Variants in UCHL3 observed in about 807,000 individuals in gnomAD.
The protein encoded by UCHL3 is ubiquitin carboxyl-terminal hydrolase isozyme L3.
Under a neutral mutation model 35.8 loss-of-function variants are expected in UCHL3, and 22 were observed. The observed-to-expected ratio is 0.61, with a 90% CI of 0.44 to 0.88. The LOEUF is 0.88. UCHL3 is among the 40% of genes least tolerant of loss of function. The probability of loss-of-function intolerance (pLI) is 0.00; values close to 1 mark genes in which losing one functional copy is unlikely to be tolerated. For synonymous variants in UCHL3, 90 were observed against 92.8 expected (o/e 0.97, Z 0.17); for missense variants, 229 against 276.9 (o/e 0.83, Z 1.23).
intron 6 of UCHL3, among the ~76,000 whole-genome samples, chr13:75,577,081 A>G (rs2032046328): frequency 1.3e-5 from 2 of 151,996 alleles, no homozygotes. Flanking sequence ...GAGACCCTGT[A>G]TGTACAAAAA....
intron 3 of UCHL3, among the ~76,000 whole-genome samples, chr13:75,562,704 AG>A: frequency 6.6e-6 from 1 of 152,166 alleles, no homozygotes; most frequent in Non-Finnish European, 1.5e-5. Flanking sequence ...AGCATTAAAA[AG>A]GCATATTATC....
At chr13:75,595,597 C>CAAAAAAAAAAAAAAAAAA (rs58733406) in intron 7 of UCHL3, among the ~76,000 whole-genome samples, 2 of 45,658 alleles carry the variant, frequency 4.4e-5, no homozygotes, top group African/African-American at 2.8e-4. Flanking sequence ...TACTCCATCT[C>CAAAAAAAAAAAAAAAAAA]AAAAAAAAAA....
intron 6 of UCHL3, among the ~76,000 whole-genome samples, chr13:75,574,291 T>A (rs7996527): frequency 0.046 from 6,943 of 152,214 alleles, 501 homozygotes; most frequent in African/African-American, 0.16. Flanking sequence ...TATTTTTTTT[T>A]ATGATAAAAT....
intron 3 of UCHL3, among the ~76,000 whole-genome samples, chr13:75,565,319 G>A (rs1392773546): frequency 6.6e-6 from 1 of 152,020 alleles, no homozygotes; most frequent in Non-Finnish European, 1.5e-5. Flanking sequence ...TTTATCAATC[G>A]AACTTACATG....
chr13:75,581,516 A>AT (rs11330521), intron 6 of UCHL3, among the ~76,000 whole-genome samples: 1,228 of 109,390 alleles, frequency 0.011, 24 homozygotes, highest in African/African-American at 0.039. Context: ...CACCTGGCTA[A>AT]TTTTTTTTTT....
chr13:75,605,234 G>A (rs73223982), intron 8 of UCHL3, among the ~76,000 whole-genome samples: 149 of 152,290 alleles, frequency 9.8e-4, no homozygotes, highest in Non-Finnish European at 1.5e-3. Flanking sequence ...ACGGCCAGGC[G>A]TAGTGGCTCA....
rs781258928 is a variant in UCHL3 at position 75,560,799 on chromosome 13, T to C, written c.101T>C (p.Val34Ala). 1 of 1,600,588 alleles carries C rather than the reference T, an allele frequency of 6.2e-7. No individual in the cohort carries two copies. Among genetic ancestry groups the C allele is most frequent in the South Asian group, 1.1e-5 (1 of 88,000 alleles). The change falls in exon 3 of 9, where the codon GTA (valine) becomes GCA (alanine). Residue 34 changes from valine to alanine, a missense_variant. Val to Ala is a moderately conservative substitution (Grantham distance 64). Coordinates refer to ENST00000377595, the MANE Select transcript of UCHL3 (RefSeq NM_006002.5). ...GLHPNWQFVD[V>A]YGMDPELLSM... ...CATCCTAACTGGCAATTCGTTGATG[T>C]ATATGGAATGGATCCTGAACTCCTT...
chr13:75,550,123 C>G, intron 2 of UCHL3, 136 bp downstream of exon 2: 2 of 1,388,468 alleles, frequency 1.4e-6, no homozygotes, highest in Admixed American at 3.4e-5. Flanking sequence ...TTCGGCTTTA[C>G]GCGGGTCCGC....
chr13:75,587,066 T>C (rs1285569920), intron 6 of UCHL3, among the ~76,000 whole-genome samples: 1 of 120,744 alleles, frequency 8.3e-6, no homozygotes, highest in Non-Finnish European at 1.8e-5. Flanking sequence ...GCATAAAAGG[T>C]AGAAATAACA....
chr13:75,587,113 A>G (rs2032348882), intron 6 of UCHL3, among the ~76,000 whole-genome samples: 1 of 151,794 alleles, frequency 6.6e-6, no homozygotes, highest in Admixed American at 6.6e-5. Context: ...TCATTACTGT[A>G]GTAGAGGTCC....
intron 2 of UCHL3, among the ~76,000 whole-genome samples, chr13:75,550,351 A>T (rs928782428): frequency 5.3e-5 from 8 of 151,860 alleles, no homozygotes; most frequent in African/African-American, 7.3e-5. Context: ...TGGATGACTA[A>T]TTTGCCCACA....
intron 6 of UCHL3, among the ~76,000 whole-genome samples, chr13:75,572,987 G>A (rs946109539): frequency 3.5e-4 from 54 of 152,196 alleles, no homozygotes; most frequent in African/African-American, 1.3e-3. Context: ...TCTCCCTGCC[G>A]GGCATGGGGG....
chr13:75,592,452 A>ACATATATACATATATG (rs2032527961), intron 6 of UCHL3, among the ~76,000 whole-genome samples: 1 of 114,836 alleles, frequency 8.7e-6, no homozygotes, highest in Non-Finnish European at 1.8e-5. Context: ...ATATATATAT[A>ACATATATACATATATG]TATATATATA....
At chr13:75,577,643 T>C (rs2032064586) in intron 6 of UCHL3, among the ~76,000 whole-genome samples, 1 of 152,220 alleles carries the variant, frequency 6.6e-6, no homozygotes, top group Non-Finnish European at 1.5e-5. Context: ...CTAAAGTGTC[T>C]AGTAGATTAG....
chr13:75,595,454 C>T (rs539921477), intron 7 of UCHL3, among the ~76,000 whole-genome samples: 9 of 151,632 alleles, frequency 5.9e-5, no homozygotes, highest in South Asian at 4.2e-4. Context: ...AAAATTAGCC[C>T]GGCGTGGTGG....
At chr13:75,588,579 T>A (rs2032392621) in intron 6 of UCHL3, among the ~76,000 whole-genome samples, 1 of 152,182 alleles carries the variant, frequency 6.6e-6, no homozygotes, top group Non-Finnish European at 1.5e-5. Context: ...GCTAAAATGT[T>A]CAAACATATT....
chr13:75,561,876 T>TACATATATAC (rs1479743757), intron 3 of UCHL3, among the ~76,000 whole-genome samples: 1 of 151,010 alleles, frequency 6.6e-6, no homozygotes, highest in Admixed American at 6.6e-5. Flanking sequence ...TACATACGTA[T>TACATATATAC]ATACGTATAC....
intron 2 of UCHL3, 94 bp from the exon 3 acceptor site, chr13:75,560,659 T>A: frequency 2.5e-6 from 3 of 1,204,668 alleles, no homozygotes; most frequent in Non-Finnish European, 3.4e-6. Flanking sequence ...ACATATTTGT[T>A]GATCATTTCC....
Position 75,560,822 on chromosome 13 carries a change from C to A in UCHL3, c.124C>A (p.Leu42Ile). Residue 42 changes from leucine (L) to isoleucine (I), a missense_variant, in exon 3 of 9, where the codon CTT becomes ATT. Leu to Ile is a conservative substitution (Grantham distance 5). Transcript: ENST00000377595. ...TGTATATGGAATGGATCCTGAACTCCTTAGCATGGTACCAAGACCAGTCTG... is the reference window on the plus strand; with the variant it reads ...TGTATATGGAATGGATCCTGAACTCATTAGCATGGTACCAAGACCAGTCTG... ...VDVYGMDPEL[L>I]SMVPRPVCAV... is the part of the protein sequence containing the mutation. 6.3e-7 allele frequency: 1 copy of A among 1,584,194 alleles called. No homozygotes were observed. The highest frequency in any genetic ancestry group is 8.5e-7 in the Non-Finnish European group (1 of 1,169,982).
Sources: gnomAD v4.1 joint callset for allele counts (sites outside exome capture counted in the v4.1 genomes callset) on GRCh38, gnomAD v4.1.1 for gene constraint, MANE v1.5 for transcripts, NCBI Gene and HGNC (gene_info 2026-07-23, HGNC 2026-07-21) for gene names.